RADX: variants seen among roughly 807,000 people sequenced by gnomAD.
RADX encodes RPA-related protein RADX.
In RADX, 36 loss-of-function variants were observed where a neutral mutation model predicts 61.6. That is an observed-to-expected ratio of 0.58 (90% confidence interval 0.45 to 0.77). RADX has a LOEUF of 0.77. Ranked by LOEUF, RADX falls within the 30% of genes least tolerant of loss-of-function variation. The pLI, the probability that RADX is intolerant of heterozygous loss-of-function variation, is 0.00. For synonymous variants in RADX, 272 were observed against 237.9 expected, an observed-to-expected ratio of 1.14 and a Z score of -1.32; for missense variants, 497 against 651.1, an observed-to-expected ratio of 0.76 and a Z score of 2.58.
chrX:106,661,716 T>A (rs7881669), intron 11 of RADX, among the ~76,000 whole-genome samples: 12,275 of 111,407 alleles, frequency 0.11, 1,645 homozygotes, highest in African/African-American at 0.38. Flanking sequence ...GTTTAAGAGC[T>A]TTTAGAACAT....
At chrX:106,626,331 A>C (rs753839680) in intron 3 of RADX, among the ~76,000 whole-genome samples, 1 of 112,128 alleles carries the variant, frequency 8.9e-6, no homozygotes, top group East Asian at 2.8e-4. Flanking sequence ...ACTTGTGTTT[A>C]TTTGCAAAAA....
At chrX:106,658,761 A>G (rs1928011092) in intron 11 of RADX, among the ~76,000 whole-genome samples, 1 of 111,760 alleles carries the variant, frequency 8.9e-6, no homozygotes, top group Non-Finnish European at 1.9e-5. Flanking sequence ...GTGAATACAC[A>G]ATTAATATGT....
In RADX at chrX:106,662,241, G is replaced by A; in HGVS notation, c.2205G>A (p.Arg735=). ...CGAAATATGTACCACCAGAAGGAAG[G>A]CCCCCAAAACTTGATGATTTTAAGA... ...QPAKYVPPEG[R]PPKLDDFKSA... is the part of the protein sequence containing the mutation. Residue 735 remains arginine (R), a synonymous_variant, in exon 12 of 14, where the codon AGG becomes AGA. Coordinates refer to ENST00000372548, the MANE Select transcript of RADX (RefSeq NM_018015.6). The A allele has an allele frequency of 2.5e-6, 3 of 1,210,638 alleles. No individual in the cohort carries two copies. Among genetic ancestry groups the A allele is most frequent in the Non-Finnish European group, 3.4e-6 (3 of 894,893 alleles).
chrX:106,657,843 T>C (rs1026789328), intron 11 of RADX, among the ~76,000 whole-genome samples: 3 of 111,014 alleles, frequency 2.7e-5, no homozygotes, highest in Admixed American at 9.6e-5. Context: ...CACCATAATA[T>C]ATATAATAAT....
At position 106,678,376 on chromosome X, in the gene RADX, T is replaced by C. The variant is rs1928561237; in HGVS notation, c.*118T>C. ...CAAGAATATTACATGAGCTCTAAAG[T>C]TATTAAGCAGTTTTATGTTCGTTTT... On this transcript the variant is annotated 3_prime_UTR_variant, in exon 14 of 14. Coordinates refer to ENST00000372548, the MANE Select transcript of RADX (RefSeq NM_018015.6). The C allele has an allele frequency of 2.0e-6, 1 of 491,225 alleles. No homozygotes were observed. Among genetic ancestry groups the C allele is most frequent in the East Asian group, 3.6e-5 (1 of 28,140 alleles). 40.5% of individuals were successfully genotyped at this position (491,225 alleles called of 1,213,427 possible).
chrX:106,628,668 G>A (rs1927131758), intron 3 of RADX, among the ~76,000 whole-genome samples: 1 of 105,621 alleles, frequency 9.5e-6, no homozygotes, highest in Non-Finnish European at 1.9e-5. Flanking sequence ...TTTTGATACG[G>A]AGTCTTGCTA....
chrX:106,644,627 A>G (rs1927612044), intron 10 of RADX, among the ~76,000 whole-genome samples: 1 of 111,424 alleles, frequency 9.0e-6, no homozygotes, highest in Non-Finnish European at 1.9e-5. Flanking sequence ...TCCCTTGGTC[A>G]TGATGAGAGA....
rs1017100319 is a variant in RADX at position 106,626,568 on chromosome X, A to G, written c.979+1286A>G. On this transcript the variant is annotated intron_variant, in intron 3 of 13. Coordinates refer to ENST00000372548, the MANE Select transcript of RADX (RefSeq NM_018015.6). ...TGATTTACAGCATGCTACCTCTGCT[A>G]TATAGAATTATAGGACCAGATTTTC... Among the ~76,000 whole-genome samples, 3 of 112,109 alleles carry G rather than the reference A, an allele frequency of 2.7e-5. No homozygotes were observed. The East Asian group carries it at 8.4e-4, about 31-fold the overall frequency.
intron 11 of RADX, among the ~76,000 whole-genome samples, chrX:106,659,140 CTAT>C (rs755279172): frequency 6.3e-5 from 7 of 110,432 alleles, no homozygotes; most frequent in Admixed American, 9.7e-5. Context: ...ATTACTATTA[CTAT>C]TATTATTATT....
chrX:106,664,648 G>C (rs760258710), intron 12 of RADX, among the ~76,000 whole-genome samples: 49 of 109,385 alleles, frequency 4.5e-4, no homozygotes, highest in Non-Finnish European at 9.5e-5. Context: ...ACTTAATGGA[G>C]GGATAAAACC....
At chrX:106,660,956 G>C (rs1044276012) in intron 11 of RADX, among the ~76,000 whole-genome samples, 1 of 111,324 alleles carries the variant, frequency 9.0e-6, no homozygotes, top group African/African-American at 3.3e-5. Flanking sequence ...CGTCTTATAT[G>C]GTGGCAGGCA....
At position 106,678,121 on chromosome X, in the gene RADX, C is replaced by T. The variant is rs1468580313; in HGVS notation, c.2438-7C>T. 1 of 1,152,157 alleles carries T rather than the reference C, an allele frequency of 8.7e-7. No individual in the cohort carries two copies. Among genetic ancestry groups the T allele is most frequent in the African/African-American group, 1.8e-5 (1 of 56,096 alleles). The allele number at this position is 1,152,157 out of a possible 1,213,427, so 95.0% of individuals were successfully genotyped here. ...TACAGTACTTACCATCTGCTTTTTA[C>T]TTTTAGGTGATATTATAAAAGCAGC... On this transcript the variant is annotated splice_region_variant and splice_polypyrimidine_tract_variant and intron_variant, in intron 13 of 13. Transcript: ENST00000372548.
chrX:106,626,878 T>G (rs977406695), intron 3 of RADX, among the ~76,000 whole-genome samples: 2 of 111,803 alleles, frequency 1.8e-5, no homozygotes, highest in African/African-American at 3.2e-5. Context: ...TGCCCTCTTT[T>G]TTTAGGAAGC....
At position 106,675,836 on chromosome X, in the gene RADX, A is replaced by T. The variant is rs1022608137; in HGVS notation, c.2438-2292A>T. 2.7e-5 allele frequency among the ~76,000 whole-genome samples: 3 copies of T among 112,210 alleles called. No homozygotes were observed. In the East Asian group the frequency reaches 8.4e-4, roughly 31 times the overall value. ...ATAAATACTATCCTAATTTCATAAT[A>T]GGTTTCCTTAAGTAAAGATTATCAC... On this transcript the variant is annotated intron_variant, in intron 13 of 13. Transcript: ENST00000372548.
chrX:106,625,781 TACAC>T (rs760271628), intron 3 of RADX, among the ~76,000 whole-genome samples: 2 of 109,953 alleles, frequency 1.8e-5, no homozygotes, highest in Non-Finnish European at 3.8e-5. Context: ...TACATATCTT[TACAC>T]ACACACACAC....
chrX:106,620,147 G>T (rs1456346344), intron 1 of RADX, among the ~76,000 whole-genome samples: 3 of 111,658 alleles, frequency 2.7e-5, no homozygotes, highest in Non-Finnish European at 5.6e-5. Flanking sequence ...AAAGCAAACT[G>T]AGTATCAAAG....
rs1042390166 is a variant in RADX, at chrX:106,622,853, T to C, written c.786+60T>C. On this transcript the variant is annotated intron_variant, in intron 2 of 13. Coordinates refer to ENST00000372548, the MANE Select transcript of RADX (RefSeq NM_018015.6). ...AGTTATAAATTATAGCTTACACACC[T>C]CACTCCATAGTATGATAACCTGTTC... 5 of 656,106 alleles carry C rather than the reference T, an allele frequency of 7.6e-6. No individual in the cohort carries two copies. The African/African-American group carries it at 9.1e-5, about 12-fold the overall frequency. The allele number at this position is 656,106 out of a possible 1,213,427, so 54.1% of individuals were successfully genotyped here.
At chrX:106,617,806 T>G (rs1218143915) in intron 1 of RADX, among the ~76,000 whole-genome samples, 1 of 110,869 alleles carries the variant, frequency 9.0e-6, no homozygotes, top group East Asian at 2.8e-4. Context: ...ACAAATAATA[T>G]CAAGAAACAC....
chrX:106,660,253 A>G (rs1928056757), intron 11 of RADX, among the ~76,000 whole-genome samples: 1 of 111,530 alleles, frequency 9.0e-6, no homozygotes, highest in Non-Finnish European at 1.9e-5. Flanking sequence ...GTTATCAATC[A>G]TTATTATAGG....
Sources: allele counts gnomAD v4.1 joint callset (sites outside exome capture counted in the v4.1 genomes callset), GRCh38; gene constraint gnomAD v4.1.1; transcripts MANE v1.5; gene names NCBI Gene and HGNC (gene_info 2026-07-23, HGNC 2026-07-21).